Variants in SYN3 observed in about 807,000 individuals in gnomAD.
The protein encoded by SYN3 is synapsin-3.
SYN3 carries 35 observed loss-of-function variants against 65.8 expected under a neutral mutation model. The observed-to-expected ratio is 0.53, with a 90% CI of 0.41 to 0.70. The LOEUF is 0.70. SYN3 is among the 30% of genes least tolerant of loss of function. The pLI is 0.00. For synonymous variants in SYN3, 270 were observed against 292.9 expected (o/e 0.92, Z 0.80); for missense variants, 680 against 749.0 (o/e 0.91, Z 1.08).
At chr22:33,017,320 G>A (rs1041552215) in intron 1 of SYN3, among the ~76,000 whole-genome samples, 3 of 152,100 alleles carry the variant, frequency 2.0e-5, no homozygotes, top group African/African-American at 7.2e-5. Context: ...GATTTCAAGT[G>A]CCTCTAGCTT....
intron 6 of SYN3, among the ~76,000 whole-genome samples, chr22:32,791,779 T>C (rs9621567): frequency 0.15 from 22,508 of 151,704 alleles, 1,975 homozygotes; most frequent in African/African-American, 0.26. Flanking sequence ...CTCATGGCTT[T>C]TGCTATAAGA....
chr22:32,786,526 C>A (rs1277864762), intron 6 of SYN3, among the ~76,000 whole-genome samples: 1 of 152,008 alleles, frequency 6.6e-6, no homozygotes, highest in Non-Finnish European at 1.5e-5. Context: ...CCACGCCCGG[C>A]AAATTTTTTG....
chr22:32,755,082 G>A (rs1254709785), intron 6 of SYN3, among the ~76,000 whole-genome samples: 8 of 152,212 alleles, frequency 5.3e-5, no homozygotes, highest in Non-Finnish European at 1.0e-4. Flanking sequence ...AGGCGCAGAG[G>A]CTGGGAACTG....
chr22:32,574,059 T>C (rs1215732853), intron 7 of SYN3, among the ~76,000 whole-genome samples: 1 of 151,866 alleles, frequency 6.6e-6, no homozygotes, highest in African/African-American at 2.4e-5. Flanking sequence ...ATTACAGGCA[T>C]GAGCCACTGA....
At chr22:32,675,326 C>T (rs999396082) in intron 6 of SYN3, among the ~76,000 whole-genome samples, 4 of 152,164 alleles carry the variant, frequency 2.6e-5, no homozygotes, top group Non-Finnish European at 5.9e-5. Context: ...CAACCCTGTC[C>T]CTGCTTAGTG....
chr22:32,795,656 A>C (rs2046412641), intron 6 of SYN3, among the ~76,000 whole-genome samples: 1 of 152,106 alleles, frequency 6.6e-6, no homozygotes. Context: ...CTAAAAGGGA[A>C]GGGGAGAGAG....
chr22:32,580,273 A>C (rs1450039767), intron 7 of SYN3, among the ~76,000 whole-genome samples: 1 of 152,220 alleles, frequency 6.6e-6, no homozygotes, highest in Non-Finnish European at 1.5e-5. Context: ...TCAAAATTTT[A>C]AACAGCAGTC....
intron 6 of SYN3, among the ~76,000 whole-genome samples, chr22:32,800,841 T>C (rs2046551805): frequency 6.6e-6 from 1 of 152,184 alleles, no homozygotes; most frequent in Non-Finnish European, 1.5e-5. Flanking sequence ...GAGCTGATCC[T>C]TGTCTTTGTC....
At chr22:32,872,314 T>C (rs1432381383) in intron 4 of SYN3, among the ~76,000 whole-genome samples, 1 of 152,114 alleles carries the variant, frequency 6.6e-6, no homozygotes, top group Non-Finnish European at 1.5e-5. Flanking sequence ...TGAATGAACA[T>C]GATGTGAAAT....
At chr22:33,044,427 G>C (rs1429506582) in intron 1 of SYN3, among the ~76,000 whole-genome samples, 4 of 152,100 alleles carry the variant, frequency 2.6e-5, no homozygotes, top group Admixed American at 1.3e-4. Flanking sequence ...CTGATGAATT[G>C]CTTCAATCAC....
chr22:32,621,387 C>T (rs1017625428), intron 6 of SYN3, among the ~76,000 whole-genome samples: 2 of 151,052 alleles, frequency 1.3e-5, no homozygotes, highest in African/African-American at 2.4e-5. Flanking sequence ...GAACCAGGAA[C>T]GTATGCTCCA....
intron 6 of SYN3, among the ~76,000 whole-genome samples, chr22:32,720,553 A>C (rs1395266912): frequency 1.3e-5 from 2 of 152,216 alleles, no homozygotes; most frequent in East Asian, 3.9e-4. Flanking sequence ...CCAAGGCTAG[A>C]ACCTAGGTCC....
chr22:32,980,850 C>T, intron 2 of SYN3, 148 bp from the exon 3 acceptor site: 1 of 653,438 alleles, frequency 1.5e-6, no homozygotes, highest in Non-Finnish European at 2.6e-6. Flanking sequence ...CTGATTTTCT[C>T]AGTCTTTTTT....
chr22:32,825,185 A>G (rs1004315900), intron 6 of SYN3, among the ~76,000 whole-genome samples: 2 of 152,256 alleles, frequency 1.3e-5, no homozygotes, highest in Admixed American at 1.3e-4. Context: ...GGGAACTGAG[A>G]AACTGTGTCT....
chr22:33,034,043 C>T (rs2053806185), intron 1 of SYN3, among the ~76,000 whole-genome samples: 4 of 151,506 alleles, frequency 2.6e-5, no homozygotes, highest in South Asian at 2.1e-4. Flanking sequence ...AAAATTAGCC[C>T]GGTGTGATGG....
Position 32,753,091 on chromosome 22 carries a change from C to T in SYN3, c.711+111824G>A, listed in dbSNP as rs143975317. ...AGGCCAAGAAGAGCCCCTCGGGGCC[C>T]CTGAGGAAGATGTATATATGGGGGT... On this transcript the variant is annotated intron_variant, in intron 6 of 13. Coordinates refer to ENST00000358763, the MANE Select transcript of SYN3 (RefSeq NM_003490.4). Among the ~76,000 whole-genome samples, 247 of 152,254 alleles carry T rather than the reference C, an allele frequency of 1.6e-3. 1 individual carries two copies. The highest frequency in any genetic ancestry group is 5.8e-3 in the African/African-American group (243 of 41,568).
At chr22:32,734,884 G>GTGGATACAGTCTT (rs2061318440) in intron 6 of SYN3, among the ~76,000 whole-genome samples, 1 of 152,154 alleles carries the variant, frequency 6.6e-6, no homozygotes, top group African/African-American at 2.4e-5. Flanking sequence ...GCTTCTCAGG[G>GTGGATACAGTCTT]TGGATACAGT....
chr22:32,547,202 C>A (rs552773489), intron 7 of SYN3, among the ~76,000 whole-genome samples: 1 of 152,226 alleles, frequency 6.6e-6, no homozygotes, highest in South Asian at 2.1e-4. Context: ...CCAGGCTGGT[C>A]TTGAACACGT....
intron 6 of SYN3, among the ~76,000 whole-genome samples, chr22:32,598,898 A>G (rs755449518): frequency 6.6e-6 from 1 of 152,212 alleles, no homozygotes; most frequent in Non-Finnish European, 1.5e-5. Flanking sequence ...TCCAAAAGCA[A>G]TAAGTACTCA....
Sources: allele counts gnomAD v4.1 joint callset (sites outside exome capture counted in the v4.1 genomes callset), GRCh38; gene constraint gnomAD v4.1.1; transcripts MANE v1.5; gene names NCBI Gene and HGNC (gene_info 2026-07-23, HGNC 2026-07-21).